Variants in JHY observed in about 807,000 individuals in gnomAD.
The protein encoded by JHY is junctional cadherin complex regulator.
In JHY, 69 loss-of-function variants were observed where a neutral mutation model predicts 78.0. The observed-to-expected ratio is 0.88, with a 90% confidence interval of 0.73 to 1.08. The LOEUF is 1.08. Ranked by LOEUF, JHY falls within the 50% of genes least tolerant of loss-of-function variation. The pLI is 0.00. For missense variants in JHY, 944 were observed against 927.8 expected (o/e 1.02, Z -0.23); for synonymous variants, 368 against 342.6 (o/e 1.07, Z -0.82).
intron 2 of JHY, among the ~76,000 whole-genome samples, chr11:122,886,625 T>G (rs1862502477): frequency 6.6e-6 from 1 of 152,182 alleles, no homozygotes; most frequent in African/African-American, 2.4e-5. Flanking sequence ...ATTAAATATT[T>G]ACAATAGAGA....
At chr11:122,931,692 G>A (rs1212166338) in intron 4 of JHY, among the ~76,000 whole-genome samples, 39 of 152,200 alleles carry the variant, frequency 2.6e-4, no homozygotes, top group Admixed American at 2.6e-3. Flanking sequence ...GGTTGAGTCA[G>A]GTTAACTAAG....
At chr11:122,943,871 T>G (rs1468054218) in intron 5 of JHY, among the ~76,000 whole-genome samples, 6 of 152,202 alleles carry the variant, frequency 3.9e-5, no homozygotes, top group Admixed American at 3.9e-4. Context: ...GTGTTGGATT[T>G]TGTTTCTTTA....
rs763169940 is a variant in JHY, at chr11:122,946,528, G to A, written c.1665G>A (p.Thr555=). Residue 555 remains threonine (T), a synonymous_variant, in exon 6 of 9, where the codon ACG becomes ACA. Coordinates refer to ENST00000227349, the MANE Select transcript of JHY (RefSeq NM_024806.4). The part of the protein sequence containing the change: ...WKFHSSSDSQ[T]VRASPDSWLT... ...TCCATTCTTCTTCTGACAGCCAGAC[G>A]GTTAGAGCTTCTCCAGATTCATGGC... 40 of 1,605,580 alleles carry A rather than the reference G, an allele frequency of 2.5e-5. No individual in the cohort carries two copies. Among genetic ancestry groups the A allele is most frequent in the Admixed American group, 5.1e-5 (3 of 58,336 alleles).
chr11:122,937,070 T>C (rs1863771950), intron 5 of JHY, among the ~76,000 whole-genome samples: 1 of 152,190 alleles, frequency 6.6e-6, no homozygotes, highest in Non-Finnish European at 1.5e-5. Context: ...TATAAGACTT[T>C]GCAGTCTTTT....
rs745520334 is a variant in JHY at position 122,904,114 on chromosome 11, C to A, written c.534C>A (p.Gly178=). 46 of 1,613,980 alleles carry A rather than the reference C, an allele frequency of 2.9e-5. No homozygotes were observed. In the East Asian group the frequency reaches 2.9e-4, roughly 10 times the overall value. The change falls in exon 3 of 9, where the codon GGC becomes GGA. Residue 178 remains glycine (G), a synonymous_variant. Transcript: ENST00000227349. The part of the protein sequence containing the change: ...ETSMELSGGK[G]EQKESPQSAA... ...CAATGGAACTCTCCGGGGGAAAAGGCGAGCAGAAAGAGAGTCCACAGAGTG... is the reference window on the plus strand; with the variant it reads ...CAATGGAACTCTCCGGGGGAAAAGGAGAGCAGAAAGAGAGTCCACAGAGTG...
chr11:122,928,980 C>T (rs915112958), intron 4 of JHY, among the ~76,000 whole-genome samples: 37 of 141,680 alleles, frequency 2.6e-4, no homozygotes, highest in Admixed American at 1.4e-4. Context: ...GTTTCACTCT[C>T]GTTACCCAGG....
intron 4 of JHY, among the ~76,000 whole-genome samples, chr11:122,926,023 GAA>G (rs60531071): frequency 1.5e-5 from 2 of 131,644 alleles, no homozygotes; most frequent in African/African-American, 5.7e-5. Flanking sequence ...TATCAAAAAA[GAA>G]AAAAAAAAAA....
intron 3 of JHY, chr11:122,906,034 G>C (rs1161547063): frequency 6.6e-6 from 1 of 151,996 alleles, no homozygotes. Context: ...TATAGCTGAA[G>C]TATTTAAAAA....
At chr11:122,954,644 G>A (rs958054477) in intron 6 of JHY, among the ~76,000 whole-genome samples, 1 of 152,118 alleles carries the variant, frequency 6.6e-6, no homozygotes, top group Non-Finnish European at 1.5e-5. Flanking sequence ...ACAGCTGGTC[G>A]CGGTGACTCA....
chr11:122,928,189 A>T (rs1000592376), intron 4 of JHY, among the ~76,000 whole-genome samples: 3 of 152,202 alleles, frequency 2.0e-5, no homozygotes, highest in Non-Finnish European at 4.4e-5. Flanking sequence ...ACAGTGGCTC[A>T]TGCCTATAAT....
intron 8 of JHY, 169 bp from the exon 9 acceptor site, chr11:122,959,079 G>A (rs955253612): frequency 5.4e-5 from 51 of 951,988 alleles, no homozygotes; most frequent in Non-Finnish European, 6.1e-5. Flanking sequence ...AATGTATTTT[G>A]TTTAAACTGT....
intron 4 of JHY, among the ~76,000 whole-genome samples, chr11:122,933,293 TAGTATATGTGTTC>T (rs1863674282): frequency 1.3e-5 from 2 of 152,244 alleles, no homozygotes; most frequent in Non-Finnish European, 2.9e-5. Context: ...AGAGATTTTT[TAGTATATGTGTTC>T]AGAAAGGAAG....
In JHY at chr11:122,935,320, C is replaced by T. The variant is rs4505076; in HGVS notation, c.1634+245C>T. ...TGCCATCTTGGCTCATTGCAACCTCCGCCTCCCGAGCTCAAGCAATTCTCC... is the reference window on the plus strand; with the variant it reads ...TGCCATCTTGGCTCATTGCAACCTCTGCCTCCCGAGCTCAAGCAATTCTCC... On this transcript the variant is annotated intron_variant, in intron 5 of 8. Transcript: ENST00000227349. The surrounding 1 kb of genome is among the most constrained non-coding windows in gnomAD (Gnocchi z 4.5). Among the ~76,000 whole-genome samples the T allele has an allele frequency of 0.36, 54,866 of 151,462 alleles. 10,260 individuals carry two copies. The highest frequency in any genetic ancestry group is 0.42 in the Middle Eastern group (122 of 292).
intron 6 of JHY, among the ~76,000 whole-genome samples, chr11:122,954,416 G>A (rs1864150350): frequency 6.6e-6 from 1 of 152,186 alleles, no homozygotes; most frequent in South Asian, 2.1e-4. Context: ...GGATGACTCT[G>A]GGTACTCAGT....
At position 122,898,168 on chromosome 11, in the gene JHY, A is replaced by G. The variant is rs1185914536; in HGVS notation, c.345-5757A>G. Among the ~76,000 whole-genome samples the G allele has an allele frequency of 6.6e-6, 1 of 152,206 alleles. No homozygotes were observed. The highest frequency in any genetic ancestry group is 1.5e-5 in the Non-Finnish European group (1 of 68,030). ...TCCTCATTGAAGGGTAAGATCCAGC[A>G]GCCTGCTTCTGTTTTCCTTGCTGCT... On this transcript the variant is annotated intron_variant, in intron 2 of 8. Coordinates refer to ENST00000227349, the MANE Select transcript of JHY (RefSeq NM_024806.4). This position sits in a 1 kb window ranked among gnomAD's most constrained non-coding sequence, Gnocchi z 4.4.
At chr11:122,901,737 G>A (rs1460890753) in intron 2 of JHY, among the ~76,000 whole-genome samples, 1 of 152,004 alleles carries the variant, frequency 6.6e-6, no homozygotes, top group Non-Finnish European at 1.5e-5. Context: ...GCCAGGCGCG[G>A]TGGCAGGTGC....
At chr11:122,919,838 A>G (rs1226772900) in intron 3 of JHY, among the ~76,000 whole-genome samples, 3 of 152,144 alleles carry the variant, frequency 2.0e-5, no homozygotes, top group South Asian at 2.1e-4. Flanking sequence ...AAATAAAAAA[A>G]AACGTTTCAG....
chr11:122,951,447 G>T (rs1030067563), intron 6 of JHY, among the ~76,000 whole-genome samples: 8 of 152,196 alleles, frequency 5.3e-5, no homozygotes, highest in African/African-American at 1.9e-4. Context: ...CTAAGAAGGG[G>T]TTTATTTGGA....
At position 122,960,664 on chromosome 11, in the gene JHY, A is replaced by G. The variant is rs1019682353; in HGVS notation, c.*1219A>G. 5.4e-6 allele frequency: 2 copies of G among 371,968 alleles called. No homozygotes were observed. Among genetic ancestry groups the G allele is most frequent in the South Asian group, 2.6e-5 (1 of 37,850 alleles). 23.0% of individuals were successfully genotyped at this position (371,968 alleles called of 1,614,324 possible). ...ATATCAATAGTAGGGTTACTTGTCT[A>G]TGTAATTTAAAAATATGGTGCCTCT... On this transcript the variant is annotated 3_prime_UTR_variant, in exon 9 of 9. Transcript: ENST00000227349.
Sources: gnomAD v4.1 joint callset for allele counts (sites outside exome capture counted in the v4.1 genomes callset) on GRCh38, gnomAD v4.1.1 for gene constraint, Gnocchi (gnomAD v3.1) non-coding constraint, MANE v1.5 for transcripts, NCBI Gene and HGNC (gene_info 2026-07-23, HGNC 2026-07-21) for gene names.